Variants in TNIK observed in about 807,000 individuals in gnomAD.
The protein encoded by TNIK is TRAF2 and NCK-interacting protein kinase.
In TNIK, 49 loss-of-function variants were observed where a neutral mutation model predicts 191.3. The ratio of observed to expected loss-of-function variants is 0.26; its 90% CI spans 0.20 to 0.32. The LOEUF is 0.32. Among genes scored for constraint, TNIK ranks in the 10% least tolerant of loss-of-function variants. The pLI is 1.00. For missense variants in TNIK, 1,155 were observed against 1,702.3 expected (o/e 0.68, Z 5.66); for synonymous variants, 594 against 600.9 (o/e 0.99, Z 0.17).
chr3:171,197,500 T>C (rs1738855371), intron 4 of TNIK, among the ~76,000 whole-genome samples: 1 of 152,192 alleles, frequency 6.6e-6, no homozygotes, highest in African/African-American at 2.4e-5. Context: ...TTGCAAATCA[T>C]ATATCTGATA....
chr3:171,415,973 CAAAAAAA>C (rs769531813), intron 1 of TNIK, among the ~76,000 whole-genome samples: 12 of 12,588 alleles, frequency 9.5e-4, no homozygotes, highest in Non-Finnish European at 1.4e-3. Context: ...GAGACTGTCT[CAAAAAAA>C]AAAAAAAAAA....
In TNIK at chr3:171,260,913, G is replaced by A. The variant is rs377306065; in HGVS notation, c.124-32692C>T. ...TCACAAGATAACGAGGGTTATTACC[G>A]AAATATTGCAAATTTTATTTTCAAA... On this transcript the variant is annotated intron_variant, in intron 2 of 32. Transcript: ENST00000436636. 3.2e-4 allele frequency among the ~76,000 whole-genome samples: 48 copies of A among 152,224 alleles called. No homozygotes were observed. The South Asian group carries it at 6.6e-3, about 21-fold the overall frequency.
chr3:171,275,741 A>C (rs1415131949), intron 2 of TNIK, among the ~76,000 whole-genome samples: 1 of 151,586 alleles, frequency 6.6e-6, no homozygotes, highest in Non-Finnish European at 1.5e-5. Context: ...CTAAAAATAC[A>C]AAAAAATTAG....
At chr3:171,177,434 G>A (rs1207730514) in intron 7 of TNIK, 54 bp from the exon 8 acceptor site, 2 of 1,557,110 alleles carry the variant, frequency 1.3e-6, no homozygotes. Flanking sequence ...AGGACAACTT[G>A]GTTAAACCTG....
chr3:171,061,616 CAT>C lies in TNIK; in HGVS notation c.*2263_*2264del, dbSNP rs1359871429. 1 of 152,022 alleles carries C rather than the reference CAT, an allele frequency of 6.6e-6. No homozygotes were observed. The highest frequency in any genetic ancestry group is 1.5e-5 in the Non-Finnish European group (1 of 67,988). The allele number at this position is 152,022 out of a possible 1,614,324, so 9.4% of individuals were successfully genotyped here. A position where few individuals can be genotyped will look rare whatever the true frequency, so the allele number is the denominator to read the frequency against. On this transcript the variant is annotated 3_prime_UTR_variant, in exon 33 of 33. Transcript: ENST00000436636. ...ACTTAGAAATAAAAACAAAACAAAA[CAT>C]AAAAACAAAGATCAGTTTGCAACAT...
At chr3:171,448,247 A>G (rs1342410143) in intron 1 of TNIK, among the ~76,000 whole-genome samples, 1 of 152,180 alleles carries the variant, frequency 6.6e-6, no homozygotes, top group East Asian at 1.9e-4. Context: ...ACAGAGTTGT[A>G]CAAACATCTG....
At chr3:171,240,525 G>T (rs540640089) in intron 2 of TNIK, among the ~76,000 whole-genome samples, 1 of 147,788 alleles carries the variant, frequency 6.8e-6, no homozygotes, top group Admixed American at 6.7e-5. Context: ...TGTGATTGAG[G>T]TTCCATTTCT....
At chr3:171,077,262 A>G (rs1007885693) in intron 28 of TNIK, among the ~76,000 whole-genome samples, 1 of 152,038 alleles carries the variant, frequency 6.6e-6, no homozygotes, top group Admixed American at 6.6e-5. Flanking sequence ...ATTTCTTTCT[A>G]GGCCTGTGGC....
At chr3:171,107,765 C>A (rs1725152001) in intron 20 of TNIK, among the ~76,000 whole-genome samples, 1 of 152,200 alleles carries the variant, frequency 6.6e-6, no homozygotes, top group African/African-American at 2.4e-5. Flanking sequence ...CTGCTACTTT[C>A]AACATCTTTT....
At chr3:171,352,097 C>T (rs927813900) in intron 2 of TNIK, among the ~76,000 whole-genome samples, 2 of 152,186 alleles carry the variant, frequency 1.3e-5, no homozygotes, top group South Asian at 2.1e-4. Flanking sequence ...TCTGCATTTC[C>T]AACAATCTCC....
intron 3 of TNIK, chr3:171,225,625 C>T (rs1742871952): frequency 2.2e-6 from 1 of 456,270 alleles, no homozygotes; most frequent in Non-Finnish European, 4.4e-6. Flanking sequence ...TTTAGAAAGA[C>T]TAACTGACAT....
At chr3:171,395,319 T>G (rs1266456246) in intron 1 of TNIK, among the ~76,000 whole-genome samples, 3 of 152,150 alleles carry the variant, frequency 2.0e-5, no homozygotes, top group Admixed American at 6.6e-5. Flanking sequence ...TTGTCATCAG[T>G]AAAACAGGGA....
Position 171,167,287 on chromosome 3 carries a change from A to G in TNIK, c.774-17T>C, listed in dbSNP as rs746701650. On this transcript the variant is annotated splice_polypyrimidine_tract_variant and intron_variant, in intron 9 of 32. Transcript: ENST00000436636. ...TTTTTTGACCTGCCAAACAAAAGAA[A>G]TGAATCCACAGATAAAACGGCGATC... is the stretch of plus-strand genomic sequence containing the variant. The G allele has an allele frequency of 1.2e-6, 2 of 1,607,984 alleles. No homozygotes were observed. The highest frequency in any genetic ancestry group is 1.7e-5 in the Admixed American group (1 of 59,578).
chr3:171,394,755 A>G (rs1426011503), intron 1 of TNIK, among the ~76,000 whole-genome samples: 2 of 152,212 alleles, frequency 1.3e-5, no homozygotes, highest in Admixed American at 1.3e-4. Flanking sequence ...GTTTCTTTCC[A>G]TTCTATAATT....
At chr3:171,173,351 G>C (rs1213533737) in intron 9 of TNIK, among the ~76,000 whole-genome samples, 3 of 150,684 alleles carry the variant, frequency 2.0e-5, no homozygotes, top group East Asian at 3.9e-4. Flanking sequence ...AGCCGAGATC[G>C]TGCCACTGCA....
chr3:171,400,379 G>A (rs1045292575), intron 1 of TNIK, among the ~76,000 whole-genome samples: 11 of 152,108 alleles, frequency 7.2e-5, no homozygotes, highest in Admixed American at 3.3e-4. Flanking sequence ...AGCCGAGGCA[G>A]CATAGTGAGA....
chr3:171,191,846 AT>A (rs1463301182), intron 5 of TNIK, among the ~76,000 whole-genome samples: 1 of 152,204 alleles, frequency 6.6e-6, no homozygotes, highest in African/African-American at 2.4e-5. Context: ...GTAGTCATAT[AT>A]TTTTCAGATA....
At chr3:171,090,844 TGAGTGTTA>T (rs2108403676) in intron 23 of TNIK, among the ~76,000 whole-genome samples, 1 of 152,288 alleles carries the variant, frequency 6.6e-6, no homozygotes, top group South Asian at 2.1e-4. Flanking sequence ...GACAGGATCA[TGAGTGTTA>T]GAGTGGTATG....
intron 2 of TNIK, among the ~76,000 whole-genome samples, chr3:171,312,617 G>A (rs1228265346): frequency 2.0e-5 from 3 of 152,046 alleles, no homozygotes; most frequent in African/African-American, 4.8e-5. Flanking sequence ...TTTTCTTTTA[G>A]CTGGGGTCTC....
Sources: gnomAD v4.1 joint callset for allele counts (sites outside exome capture counted in the v4.1 genomes callset) on GRCh38, gnomAD v4.1.1 for gene constraint, MANE v1.5 for transcripts, NCBI Gene and HGNC (gene_info 2026-07-23, HGNC 2026-07-21) for gene names.